Variants in LMF1 observed in about 807,000 individuals in gnomAD.
LMF1 encodes transmembrane protein 112.
In LMF1, 68 loss-of-function variants were observed where a neutral mutation model predicts 60.6. That is an observed-to-expected ratio of 1.12 (90% CI 0.92 to 1.37). LMF1 has a LOEUF of 1.37. Among genes scored for constraint, LMF1 ranks in the 40% most tolerant of loss-of-function variants. The pLI is 0.00. For missense variants in LMF1, 948 were observed against 767.2 expected (o/e 1.24, Z -2.78); for synonymous variants, 418 against 324.7 (o/e 1.29, Z -3.09).
intron 4 of LMF1, among the ~76,000 whole-genome samples, chr16:894,732 G>A (rs892188031): frequency 1.1e-4 from 17 of 152,342 alleles, no homozygotes; most frequent in East Asian, 7.7e-4. Flanking sequence ...TTGCCCACAC[G>A]GTGGGAAGAG....
At chr16:913,929 T>A (rs955970586) in intron 3 of LMF1, among the ~76,000 whole-genome samples, 1 of 152,206 alleles carries the variant, frequency 6.6e-6, no homozygotes, top group African/African-American at 2.4e-5. Context: ...CCTCGGTTTA[T>A]AATGGAAATT....
intron 4 of LMF1, among the ~76,000 whole-genome samples, chr16:895,751 C>T (rs550388837): frequency 6.6e-6 from 1 of 152,332 alleles, no homozygotes; most frequent in East Asian, 1.9e-4. Context: ...CCCAGCCCGG[C>T]CCTACAGGAA....
intron 10 of LMF1, among the ~76,000 whole-genome samples, chr16:860,925 CTTTCAAAATGGTTT>C (rs1485326486): frequency 6.6e-6 from 1 of 152,098 alleles, no homozygotes; most frequent in Non-Finnish European, 1.5e-5. Flanking sequence ...ACCTTGTTCT[CTTTCAAAATGGTTT>C]TAGCTATTTT....
At chr16:857,378 C>T (rs1253302768) in intron 10 of LMF1, among the ~76,000 whole-genome samples, 1 of 152,238 alleles carries the variant, frequency 6.6e-6, no homozygotes, top group East Asian at 1.9e-4. Flanking sequence ...GGTATCTTTG[C>T]CAGCATGTGG....
chr16:897,866 T>TG lies in LMF1; in HGVS notation c.664-4795dup, dbSNP rs2070707317. On this transcript the variant is annotated intron_variant, in intron 4 of 10. Transcript: ENST00000262301. The surrounding 1 kb of genome is among the most constrained non-coding windows in gnomAD (Gnocchi z 4.3). ...TGGTTTCCGCACTTTCTTGCCCTCA[T>TG]GCAAGAGAGAACTGGCATGGGAGGT... Among the ~76,000 whole-genome samples, 2 of 152,220 alleles carry TG rather than the reference T, an allele frequency of 1.3e-5. No homozygotes were observed. The highest frequency in any genetic ancestry group is 2.9e-5 in the Non-Finnish European group (2 of 68,022).
At position 887,458 on chromosome 16, in the gene LMF1, C is replaced by T. The variant is rs1175337578; in HGVS notation, c.729+5549G>A. On this transcript the variant is annotated intron_variant, in intron 5 of 10. Coordinates refer to ENST00000262301, the MANE Select transcript of LMF1 (RefSeq NM_022773.4). ...GGGAGTGTTGGGGCACACGCGGTCT[C>T]GGTACCCGTGGGGGAGCTCGGCGGG... Among the ~76,000 whole-genome samples, 5 of 152,212 alleles carry T rather than the reference C, an allele frequency of 3.3e-5. 1 individual carries two copies. The South Asian group carries it at 8.3e-4, about 25-fold the overall frequency.
intron 6 of LMF1, among the ~76,000 whole-genome samples, chr16:879,347 G>C (rs1022395981): frequency 4.9e-4 from 75 of 152,318 alleles, no homozygotes; most frequent in African/African-American, 1.7e-3. Context: ...CTTGGGAGGA[G>C]CCAGTCCTTG....
chr16:905,948 G>A (rs1008670472), intron 4 of LMF1, among the ~76,000 whole-genome samples: 1 of 152,094 alleles, frequency 6.6e-6, no homozygotes, highest in African/African-American at 2.4e-5. Context: ...TGTGTCCTAA[G>A]AGACTTTTGC....
chr16:911,465 T>A (rs2071110214), intron 3 of LMF1, among the ~76,000 whole-genome samples: 1 of 151,502 alleles, frequency 6.6e-6, no homozygotes, highest in South Asian at 2.1e-4. Context: ...TAGGTTTGCA[T>A]GAAAACAGCT....
At position 854,493 on chromosome 16, in the gene LMF1, C is replaced by T. The variant is rs2069133324; in HGVS notation, c.*39G>A. ...GGGAAGGGCAAACGTTGCTGAGCCG[C>T]CGAGGGGCTGGGTCTTCGCCTTTAT... On this transcript the variant is annotated 3_prime_UTR_variant, in exon 11 of 11. Coordinates refer to ENST00000262301, the MANE Select transcript of LMF1 (RefSeq NM_022773.4). 6.3e-7 allele frequency: 1 copy of T among 1,579,514 alleles called. No homozygotes were observed. The highest frequency in any genetic ancestry group is 8.6e-7 in the Non-Finnish European group (1 of 1,167,148).
Position 878,361 on chromosome 16 carries a change from A to G in LMF1, c.897+1209T>C, listed in dbSNP as rs2070055441. On this transcript the variant is annotated intron_variant, in intron 6 of 10. Coordinates refer to ENST00000262301, the MANE Select transcript of LMF1 (RefSeq NM_022773.4). The surrounding 1 kb of genome is among the most constrained non-coding windows in gnomAD (Gnocchi z 5.2). Reference sequence around the variant, plus strand: ...CGCGGAAAAGCCCGAGGGAGTCAGGAGCTGCTCAGGGCCCCGGCGGCCAGA... The same window carrying G: ...CGCGGAAAAGCCCGAGGGAGTCAGGGGCTGCTCAGGGCCCCGGCGGCCAGA... Among the ~76,000 whole-genome samples, 1 of 152,094 alleles carries G rather than the reference A, an allele frequency of 6.6e-6. No homozygotes were observed. Among genetic ancestry groups the G allele is most frequent in the African/African-American group, 2.4e-5 (1 of 41,390 alleles).
intron 4 of LMF1, among the ~76,000 whole-genome samples, chr16:895,456 G>A (rs930908442): frequency 8.5e-5 from 13 of 152,182 alleles, no homozygotes; most frequent in East Asian, 1.9e-4. Context: ...CCTTCGGGGC[G>A]GCCGTGGGCC....
intron 5 of LMF1, among the ~76,000 whole-genome samples, chr16:891,351 T>C (rs9924580): frequency 0.38 from 57,700 of 152,142 alleles, 12,055 homozygotes; most frequent in African/African-American, 0.54. Context: ...GGACGCCTGA[T>C]GCCGGCTTTG....
intron 5 of LMF1, among the ~76,000 whole-genome samples, chr16:883,142 G>C (rs2070213397): frequency 1.3e-5 from 2 of 151,152 alleles, no homozygotes; most frequent in Non-Finnish European, 2.9e-5. Flanking sequence ...CCAGGAGAAA[G>C]AGGAGCTGCT....
chr16:873,039 T>A (rs1294287839), intron 6 of LMF1: 1 of 152,244 alleles, frequency 6.6e-6, no homozygotes, highest in Non-Finnish European at 1.5e-5. Context: ...AGAGCACAGA[T>A]CTGGGCATCA....
exon 1 of LMF1, chr16:981,223 C>G (rs781337950): frequency 6.6e-6 from 3 of 455,060 alleles, no homozygotes; most frequent in South Asian, 4.7e-5. Context: ...TCCTGGACCG[C>G]AGGCAGCAGC....
At chr16:882,307 G>A (rs2070183604) in intron 5 of LMF1, among the ~76,000 whole-genome samples, 1 of 152,230 alleles carries the variant, frequency 6.6e-6, no homozygotes, top group African/African-American at 2.4e-5. Flanking sequence ...CGCCTCCCCT[G>A]GAATCCCAGC....
intron 1 of LMF1, among the ~76,000 whole-genome samples, chr16:970,242 GC>G (rs2073012636): frequency 6.6e-6 from 1 of 152,230 alleles, no homozygotes; most frequent in African/African-American, 2.4e-5. Flanking sequence ...TCCCGGGCCG[GC>G]TCCTCGGATT....
chr16:865,377 G>A (rs1389276083), intron 10 of LMF1, among the ~76,000 whole-genome samples: 1 of 152,112 alleles, frequency 6.6e-6, no homozygotes, highest in Non-Finnish European at 1.5e-5. Flanking sequence ...TTGAGATTGA[G>A]TCTCGCTCTG....
Sources: gnomAD v4.1 joint callset for allele counts (sites outside exome capture counted in the v4.1 genomes callset) on GRCh38, gnomAD v4.1.1 for gene constraint, Gnocchi (gnomAD v3.1) non-coding constraint, MANE v1.5 for transcripts, NCBI Gene and HGNC (gene_info 2026-07-23, HGNC 2026-07-21) for gene names.